BRD10: variants seen among roughly 807,000 people sequenced by gnomAD.
The protein encoded by BRD10 is uncharacterized bromodomain-containing protein 10.
At chr9:5,921,744 T>C in the BRD10 span, 2 of 1,614,014 alleles carry the variant, frequency 1.2e-6, no homozygotes, top group Non-Finnish European at 1.7e-6. Flanking sequence ...GATATGCTAA[T>C]TACACTTACC....
the BRD10 span, among the ~76,000 whole-genome samples, chr9:5,980,383 T>C: frequency 3.3e-5 from 5 of 152,124 alleles, no homozygotes; most frequent in African/African-American, 1.2e-4. Flanking sequence ...TCACTCGCCA[T>C]CTCCTTTATA....
chr9:5,930,690 A>G, the BRD10 span, among the ~76,000 whole-genome samples: 1 of 152,114 alleles, frequency 6.6e-6, no homozygotes, highest in Non-Finnish European at 1.5e-5. Context: ...AAAATTCAAG[A>G]AAAGTAATTT....
At chr9:5,933,678 C>T in the BRD10 span, 1 of 411,282 alleles carries the variant, frequency 2.4e-6, no homozygotes, top group East Asian at 7.2e-5. Flanking sequence ...AAATAACTTA[C>T]AAAACTACAC....
At chr9:5,929,303 C>A in the BRD10 span, 6 of 497,786 alleles carry the variant, frequency 1.2e-5, no homozygotes, top group Non-Finnish European at 1.8e-5. Flanking sequence ...GGGAAAATAT[C>A]CTGTAATAAA....
At chr9:5,913,094 A>G in the BRD10 span, among the ~76,000 whole-genome samples, 2 of 152,140 alleles carry the variant, frequency 1.3e-5, no homozygotes, top group Admixed American at 6.6e-5. Context: ...TTTTTATAGT[A>G]AAGAGCAGGC....
the BRD10 span, among the ~76,000 whole-genome samples, chr9:5,954,908 C>T: frequency 2.6e-5 from 4 of 151,924 alleles, no homozygotes; most frequent in South Asian, 2.1e-4. Flanking sequence ...GTTAACAGGG[C>T]GAAACCCCGT....
At chr9:5,968,105 G>C in the BRD10 span, 1 of 1,569,904 alleles carries the variant, frequency 6.4e-7, no homozygotes, top group South Asian at 1.2e-5. Context: ...GAATGCAAGA[G>C]AATGAAGACC....
the BRD10 span, among the ~76,000 whole-genome samples, chr9:5,981,320 T>C: frequency 3.3e-5 from 5 of 152,374 alleles, no homozygotes; most frequent in African/African-American, 7.2e-5. Context: ...TATAACCGTT[T>C]CCTGGGTACC....
chr9:5,967,996 C>G, the BRD10 span: 1 of 1,349,986 alleles, frequency 7.4e-7, no homozygotes, highest in African/African-American at 1.5e-5. Flanking sequence ...AAATATAACT[C>G]CCATCCATTT....
chr9:5,906,414 A>G, the BRD10 span, among the ~76,000 whole-genome samples: 1 of 151,972 alleles, frequency 6.6e-6, no homozygotes, highest in African/African-American at 2.4e-5. Context: ...TTCTTCCTTT[A>G]TGTAGGTACA....
At chr9:5,895,717 A>G in the BRD10 span, among the ~76,000 whole-genome samples, 2 of 152,164 alleles carry the variant, frequency 1.3e-5, no homozygotes, top group Non-Finnish European at 2.9e-5. Context: ...GTGGAGTCCT[A>G]TGATCTGCAC....
At chr9:5,932,132 T>A in the BRD10 span, among the ~76,000 whole-genome samples, 1 of 152,312 alleles carries the variant, frequency 6.6e-6, no homozygotes, top group East Asian at 1.9e-4. Flanking sequence ...ATCTGCCTTA[T>A]CTTGGGTCTA....
At chr9:5,911,723 C>T in the BRD10 span, among the ~76,000 whole-genome samples, 13 of 151,492 alleles carry the variant, frequency 8.6e-5, no homozygotes, top group African/African-American at 2.7e-4. Context: ...TTAGTAGAGA[C>T]GGGGTTTCAC....
At chr9:5,899,027 T>G in the BRD10 span, 2 of 152,242 alleles carry the variant, frequency 1.3e-5, no homozygotes, top group Non-Finnish European at 2.9e-5. Flanking sequence ...CAACTGAGTT[T>G]ATAAGCTATA....
At chr9:5,931,262 CT>C in the BRD10 span, among the ~76,000 whole-genome samples, 2 of 152,306 alleles carry the variant, frequency 1.3e-5, no homozygotes, top group East Asian at 3.9e-4. Context: ...GAAGACCTTA[CT>C]TAGGCCTAGG....
chr9:5,921,812 G>C, the BRD10 span: 1 of 1,614,026 alleles, frequency 6.2e-7, no homozygotes, highest in African/African-American at 1.3e-5. Context: ...CTTCAAGGGA[G>C]AAGAGGGCAT....
chr9:5,971,423 T>C, the BRD10 span, among the ~76,000 whole-genome samples: 1 of 152,208 alleles, frequency 6.6e-6, no homozygotes, highest in Non-Finnish European at 1.5e-5. Flanking sequence ...TATATAAATG[T>C]TCTTAGCAGT....
At chr9:5,999,046 G>A in the BRD10 span, among the ~76,000 whole-genome samples, 2 of 151,838 alleles carry the variant, frequency 1.3e-5, no homozygotes, top group Admixed American at 6.6e-5. Context: ...AAACTAAGCT[G>A]TCAAATTAAG....
chr9:5,934,772 C>G, the BRD10 span, among the ~76,000 whole-genome samples: 19 of 152,270 alleles, frequency 1.2e-4, no homozygotes, highest in East Asian at 2.1e-3. Context: ...ACTGAGTTAG[C>G]TGGGCACTAA....
Sources: gnomAD v4.1 joint callset for allele counts (sites outside exome capture counted in the v4.1 genomes callset) on GRCh38, gnomAD v4.1.1 for gene constraint, MANE v1.5 for transcripts, NCBI Gene and HGNC (gene_info 2026-07-23, HGNC 2026-07-21) for gene names.